FUNDC1: variants seen among roughly 807,000 people sequenced by gnomAD.
FUNDC1 encodes FUN14 domain containing 1, also known as FUN14 domain-containing protein 1.
In FUNDC1, 10 loss-of-function variants were observed where a neutral mutation model predicts 14.5. That is an observed-to-expected ratio of 0.69 (90% CI 0.43 to 1.17). The LOEUF (loss-of-function observed/expected upper bound fraction) is 1.17, where lower values mean the gene tolerates loss of function less well. FUNDC1 is among the 50% of genes most tolerant of loss of function. The pLI is 0.00. For missense variants in FUNDC1, 115 were observed against 113.8 expected (o/e 1.01, Z -0.05); for synonymous variants, 33 against 39.7 (o/e 0.83, Z 0.64).
chrX:44,541,982 C>T lies in FUNDC1; in HGVS notation c.148G>A (p.Val50Ile), dbSNP rs1166128557. The T allele has an allele frequency of 1.7e-6, 2 of 1,206,731 alleles. No homozygotes were observed. The highest frequency in any genetic ancestry group is 2.2e-6 in the Non-Finnish European group (2 of 893,509). ...CCACCCATTACAATCTGGGTAGCTA[C>T]TGAGTATTTTTCTACCATAGGTCCC... Reference protein sequence around the residue: ...SSGPMVEKYSVATQIVMGGVT... With the variant: ...SSGPMVEKYSIATQIVMGGVT... Residue 50 changes from valine (V) to isoleucine (I), a missense_variant, in exon 2 of 5, where the codon GTA becomes ATA. By Grantham distance (29) the Val-to-Ile change is conservative. Coordinates refer to ENST00000378045, the MANE Select transcript of FUNDC1 (RefSeq NM_173794.4).
intron 2 of FUNDC1, among the ~76,000 whole-genome samples, chrX:44,539,753 G>A (rs1022393423): frequency 6.3e-5 from 7 of 111,133 alleles, no homozygotes; most frequent in African/African-American, 2.3e-4. Flanking sequence ...TGCAACCTCC[G>A]CCTCCCGGGT....
chrX:44,535,398 T>C (rs1408661544), intron 3 of FUNDC1, among the ~76,000 whole-genome samples: 1 of 110,261 alleles, frequency 9.1e-6, no homozygotes, highest in Non-Finnish European at 1.9e-5. Flanking sequence ...CCAGGTGCGG[T>C]GGCTCACACC....
intron 4 of FUNDC1, among the ~76,000 whole-genome samples, chrX:44,526,812 AAAAGT>A (rs781187201): frequency 3.6e-5 from 4 of 111,370 alleles, no homozygotes; most frequent in African/African-American, 9.8e-5. Flanking sequence ...TAAACAGTAC[AAAAGT>A]AAAGGGTCAA....
chrX:44,542,689 A>T, intron 1 of FUNDC1, 116 bp downstream of exon 1: 1 of 542,188 alleles, frequency 1.8e-6, no homozygotes, highest in African/African-American at 2.5e-5. Flanking sequence ...GGGCTGCCTT[A>T]AAAAAAAAAT....
At chrX:44,541,556 C>T (rs900115917) in intron 2 of FUNDC1, among the ~76,000 whole-genome samples, 4 of 111,602 alleles carry the variant, frequency 3.6e-5, no homozygotes, top group Non-Finnish European at 7.5e-5. Flanking sequence ...CCAGTTCTAC[C>T]GTGGGAGTTT....
At chrX:44,533,600 C>T (rs750491968) in intron 3 of FUNDC1, among the ~76,000 whole-genome samples, 1 of 91,336 alleles carries the variant, frequency 1.1e-5, no homozygotes, top group Non-Finnish European at 2.1e-5. Context: ...TGCACTCCAG[C>T]CTGGGTGACA....
At chrX:44,536,479 T>C (rs946804090) in intron 3 of FUNDC1, among the ~76,000 whole-genome samples, 1 of 110,386 alleles carries the variant, frequency 9.1e-6, no homozygotes, top group Non-Finnish European at 1.9e-5. Context: ...AACACAATTA[T>C]GAAAAAAGGG....
chrX:44,538,985 G>C (rs2038959837), intron 2 of FUNDC1, among the ~76,000 whole-genome samples: 1 of 111,283 alleles, frequency 9.0e-6, no homozygotes, highest in Non-Finnish European at 1.9e-5. Flanking sequence ...CTTTGCTCAA[G>C]CTATTAATCT....
rs377364605 is a variant in FUNDC1, at chrX:44,530,779, G to A, written c.262-3414C>T. On this transcript the variant is annotated intron_variant, in intron 3 of 4. Transcript: ENST00000378045. ...ACTAAAAACACAAAAAACTAGCTGG[G>A]TGTGGTGGCTCACACCTAATCACAG... Among the ~76,000 whole-genome samples, 10 of 101,744 alleles carry A rather than the reference G, an allele frequency of 9.8e-5. No homozygotes were observed. The East Asian group carries it at 2.7e-3, about 28-fold the overall frequency. The allele number at this position is 101,744 out of a possible 115,157, so 88.4% of individuals were successfully genotyped here.
At position 44,538,458 on chromosome X, in the gene FUNDC1, C is replaced by T. The variant is rs750139906; in HGVS notation, c.261+9G>A. 8.4e-7 allele frequency: 1 copy of T among 1,190,502 alleles called. No homozygotes were observed. The highest frequency in any genetic ancestry group is 1.8e-5 in the South Asian group (1 of 56,104). Reference sequence around the variant, plus strand: ...AAAGCAAAGGCAAGTGCTTAAAGCTCTGACATACCTGAAGAAGAAGAAAGC... The same window carrying T: ...AAAGCAAAGGCAAGTGCTTAAAGCTTTGACATACCTGAAGAAGAAGAAAGC... On this transcript the variant is annotated intron_variant, in intron 3 of 4. Transcript: ENST00000378045.
At chrX:44,536,606 C>A (rs1453275827) in intron 3 of FUNDC1, among the ~76,000 whole-genome samples, 1 of 111,635 alleles carries the variant, frequency 9.0e-6, no homozygotes, top group East Asian at 2.8e-4. Flanking sequence ...TTTTCCCATT[C>A]CATAATGGGA....
intron 4 of FUNDC1, among the ~76,000 whole-genome samples, chrX:44,526,155 G>T (rs1431867905): frequency 9.0e-6 from 1 of 110,544 alleles, no homozygotes; most frequent in Non-Finnish European, 1.9e-5. Flanking sequence ...AGTTGGCCGG[G>T]CCTGGTGGCT....
chrX:44,535,591 C>T (rs1223845222), intron 3 of FUNDC1, among the ~76,000 whole-genome samples: 2 of 101,480 alleles, frequency 2.0e-5, no homozygotes, highest in Non-Finnish European at 4.0e-5. Context: ...AGTGGCGTGA[C>T]CCTGGGAGGC....
rs1055796584 is a variant in FUNDC1, at chrX:44,524,349, G to A, written c.391-74C>T. On this transcript the variant is annotated intron_variant, in intron 4 of 4. Transcript: ENST00000378045. ...ATGAACCTTGAAAACATTATGCAAA[G>A]TGAAATAAGGTAGACAAAAAAGAAC... 21 of 670,672 alleles carry A rather than the reference G, an allele frequency of 3.1e-5. No individual in the cohort carries two copies. In the African/African-American group the frequency reaches 3.5e-4, roughly 11 times the overall value. 55.3% of individuals were successfully genotyped at this position (670,672 alleles called of 1,213,427 possible). A position where few individuals can be genotyped will look rare whatever the true frequency, so the allele number is the denominator to read the frequency against.
intron 4 of FUNDC1, among the ~76,000 whole-genome samples, chrX:44,524,656 A>G (rs1300732887): frequency 8.9e-6 from 1 of 111,943 alleles, no homozygotes; most frequent in Non-Finnish European, 1.9e-5. Flanking sequence ...TCCAGAGCCA[A>G]GTAGCAGTTT....
intron 3 of FUNDC1, among the ~76,000 whole-genome samples, chrX:44,532,444 GA>G (rs2038929755): frequency 9.3e-6 from 1 of 107,558 alleles, no homozygotes; most frequent in African/African-American, 3.4e-5. Flanking sequence ...TGAAAAGGGG[GA>G]AAAGCTGGTG....
chrX:44,527,405 C>G, intron 3 of FUNDC1, 40 bp from the exon 4 acceptor site: 2 of 1,049,247 alleles, frequency 1.9e-6, no homozygotes, highest in South Asian at 2.4e-5. Flanking sequence ...ACTATACCAA[C>G]TAGGTTGCTG....
chrX:44,529,303 A>G (rs770436888), intron 3 of FUNDC1, among the ~76,000 whole-genome samples: 12 of 111,999 alleles, frequency 1.1e-4, no homozygotes. Context: ...TGTCACTGAT[A>G]ATTAGTAAAC....
chrX:44,540,514 A>G (rs185214747), intron 2 of FUNDC1, among the ~76,000 whole-genome samples: 16 of 110,288 alleles, frequency 1.5e-4, no homozygotes, highest in Admixed American at 1.4e-3. Flanking sequence ...AGCAGCCACA[A>G]TGTCCCTTGG....
Sources: gnomAD v4.1 joint callset for allele counts (sites outside exome capture counted in the v4.1 genomes callset) on GRCh38, gnomAD v4.1.1 for gene constraint, MANE v1.5 for transcripts, NCBI Gene and HGNC (gene_info 2026-07-23, HGNC 2026-07-21) for gene names.